GRID2: variants seen among roughly 807,000 people sequenced by gnomAD.
GRID2 encodes glutamate receptor ionotropic, delta-2.
In GRID2, 33 loss-of-function variants were observed where a neutral mutation model predicts 114.8. The ratio of observed to expected loss-of-function variants is 0.29; its 90% CI spans 0.22 to 0.38. The LOEUF (loss-of-function observed/expected upper bound fraction) is 0.38. Ranked by LOEUF, GRID2 falls within the 10% of genes least tolerant of loss-of-function variation. The pLI, the probability that GRID2 is intolerant of heterozygous loss-of-function variation, is 1.00. For synonymous variants in GRID2, 505 were observed against 449.9 expected (o/e 1.12, Z -1.55); for missense variants, 1,184 against 1,257.7 (o/e 0.94, Z 0.89).
intron 8 of GRID2, among the ~76,000 whole-genome samples, chr4:93,369,362 A>G (rs149785001): frequency 0.011 from 1,708 of 152,346 alleles, 19 homozygotes; most frequent in South Asian, 0.052. Context: ...AATACTTAAC[A>G]TAATTATATC....
chr4:93,316,325 A>AAAGAAAG (rs1337225143), intron 8 of GRID2, among the ~76,000 whole-genome samples: 1 of 52,822 alleles, frequency 1.9e-5, no homozygotes, highest in East Asian at 1.0e-3. Context: ...AGAAAGAAAG[A>AAAGAAAG]AAGAAAGAAA....
chr4:92,713,845 C>T (rs1735401099), intron 2 of GRID2, among the ~76,000 whole-genome samples: 1 of 151,964 alleles, frequency 6.6e-6, no homozygotes, highest in Admixed American at 6.6e-5. Context: ...CCTCCCATAA[C>T]ACTTAGGAAT....
chr4:92,821,726 T>A lies in GRID2; in HGVS notation c.244+231440T>A, dbSNP rs551719385. On this transcript the variant is annotated intron_variant, in intron 2 of 15. Coordinates refer to ENST00000282020, the MANE Select transcript of GRID2 (RefSeq NM_001510.4). ...ACCATAAAAGCTATTTTAAGTAATA[T>A]TCTCTCAATCATAATAAAACACACA... 3.3e-5 allele frequency among the ~76,000 whole-genome samples: 5 copies of A among 152,162 alleles called. No individual in the cohort carries two copies. The South Asian group carries it at 8.3e-4, about 25-fold the overall frequency.
intron 2 of GRID2, among the ~76,000 whole-genome samples, chr4:92,806,825 G>A (rs1464911642): frequency 6.6e-6 from 1 of 151,796 alleles, no homozygotes; most frequent in African/African-American, 2.4e-5. Context: ...CTCAAAGAAA[G>A]TTATCATTAC....
rs149969092 is a variant in GRID2, at chr4:93,384,378, T to C, written c.1246-11229T>C. Among the ~76,000 whole-genome samples the C allele has an allele frequency of 3.1e-3, 476 of 152,276 alleles. 4 individuals are homozygous for C. The South Asian group carries it at 0.053, about 17-fold the overall frequency. The stretch of plus-strand genomic sequence containing the variant: ...ATCTTGCAGGCAGACTACCACACAG[T>C]GCTCTGCTTTTTCTTATCATTTTCT... On this transcript the variant is annotated intron_variant, in intron 8 of 15. Coordinates refer to ENST00000282020, the MANE Select transcript of GRID2 (RefSeq NM_001510.4).
intron 2 of GRID2, among the ~76,000 whole-genome samples, chr4:92,643,565 G>A (rs1420636392): frequency 6.6e-6 from 1 of 151,620 alleles, no homozygotes; most frequent in Non-Finnish European, 1.5e-5. Flanking sequence ...GTCAAATCAA[G>A]AACGCAATCT....
chr4:93,145,695 C>G (rs1474864435), intron 4 of GRID2, among the ~76,000 whole-genome samples: 1 of 108,678 alleles, frequency 9.2e-6, no homozygotes, highest in Non-Finnish European at 1.7e-5. Context: ...GGCGTTTCAC[C>G]ATGTTGGCCA....
At chr4:93,794,908 T>G (rs1238834967) in intron 1 of GRID2, among the ~76,000 whole-genome samples, 1 of 152,160 alleles carries the variant, frequency 6.6e-6, no homozygotes, top group East Asian at 1.9e-4. Flanking sequence ...AGCTAATAAT[T>G]TTTACATTCC....
chr4:93,084,546 G>A (rs1041743067), intron 2 of GRID2, among the ~76,000 whole-genome samples: 5 of 151,986 alleles, frequency 3.3e-5, no homozygotes, highest in Non-Finnish European at 7.4e-5. Context: ...TTTATTCACC[G>A]GTTTACATAT....
At position 93,033,483 on chromosome 4, in the gene GRID2, G is replaced by A. The variant is rs568471724; in HGVS notation, c.245-51512G>A. ...ACATGGAGTATTGTGAATCAGGAAAGCCCACTAGAACCTCGTTGTGCAGAA... is the reference window on the plus strand; with the variant it reads ...ACATGGAGTATTGTGAATCAGGAAAACCCACTAGAACCTCGTTGTGCAGAA... On this transcript the variant is annotated intron_variant, in intron 2 of 15. Transcript: ENST00000282020. Among the ~76,000 whole-genome samples, 3 of 152,276 alleles carry A rather than the reference G, an allele frequency of 2.0e-5. No individual in the cohort carries two copies. The East Asian group carries it at 5.8e-4, about 29-fold the overall frequency.
At chr4:93,735,931 A>G (rs1730892583) in intron 14 of GRID2, among the ~76,000 whole-genome samples, 1 of 152,012 alleles carries the variant, frequency 6.6e-6, no homozygotes, top group African/African-American at 2.4e-5. Flanking sequence ...CTATGCAGGG[A>G]AACTAATTCA....
chr4:92,944,697 A>G (rs1751482090), intron 2 of GRID2, among the ~76,000 whole-genome samples: 1 of 152,206 alleles, frequency 6.6e-6, no homozygotes, highest in Non-Finnish European at 1.5e-5. Flanking sequence ...GCCATCTTCA[A>G]TATTTCTAAC....
At chr4:92,791,581 A>G (rs1403792668) in intron 2 of GRID2, among the ~76,000 whole-genome samples, 4 of 151,918 alleles carry the variant, frequency 2.6e-5, no homozygotes, top group Non-Finnish European at 5.9e-5. Context: ...TGTAGAAAAC[A>G]GAATAATCAG....
intron 2 of GRID2, among the ~76,000 whole-genome samples, chr4:93,050,223 A>G (rs1046383413): frequency 6.6e-6 from 1 of 152,068 alleles, no homozygotes; most frequent in African/African-American, 2.4e-5. Context: ...TTCATTTAAT[A>G]TTGTTGCAAT....
Position 92,385,761 on chromosome 4 carries a change from C to A in GRID2, c.88+81017C>A, listed in dbSNP as rs537513661. The stretch of plus-strand genomic sequence containing the variant: ...CCTACTTTTGTACATTTGTAATATA[C>A]CTTTGTAGTTCTACTTTTCATGTAT... On this transcript the variant is annotated intron_variant, in intron 1 of 15. Transcript: ENST00000282020. Among the ~76,000 whole-genome samples the A allele has an allele frequency of 7.9e-5, 12 of 150,956 alleles. No homozygotes were observed. The East Asian group carries it at 2.3e-3, about 29-fold the overall frequency.
intron 2 of GRID2, chr4:92,823,106 T>C (rs1287676835): frequency 6.6e-6 from 1 of 152,164 alleles, no homozygotes; most frequent in Non-Finnish European, 1.5e-5. Context: ...TTAGAGTCTA[T>C]GTGAAGGGCA....
intron 1 of GRID2, among the ~76,000 whole-genome samples, chr4:92,429,260 C>T (rs1732316831): frequency 6.6e-6 from 1 of 152,152 alleles, no homozygotes; most frequent in African/African-American, 2.4e-5. Flanking sequence ...TATCCAATAT[C>T]CCAGCCTCTT....
At chr4:93,095,012 A>G (rs1378607020) in intron 3 of GRID2, among the ~76,000 whole-genome samples, 1 of 152,092 alleles carries the variant, frequency 6.6e-6, no homozygotes, top group Non-Finnish European at 1.5e-5. Context: ...ACAAAGTGTA[A>G]GAAAATAAAA....
chr4:93,297,478 A>G (rs1754433944), intron 8 of GRID2, among the ~76,000 whole-genome samples: 1 of 152,222 alleles, frequency 6.6e-6, no homozygotes, highest in Non-Finnish European at 1.5e-5. Flanking sequence ...AGGAAAGCAT[A>G]TGGTCAAAGA....
Sources: gnomAD v4.1 joint callset for allele counts (sites outside exome capture counted in the v4.1 genomes callset) on GRCh38, gnomAD v4.1.1 for gene constraint, MANE v1.5 for transcripts, NCBI Gene and HGNC (gene_info 2026-07-23, HGNC 2026-07-21) for gene names.